PCSK7: variants seen among roughly 807,000 people sequenced by gnomAD.
PCSK7 encodes proprotein convertase subtilisin/kexin type 7.
Under a neutral mutation model 73.3 loss-of-function variants are expected in PCSK7, and 38 were observed. That is an observed-to-expected ratio of 0.52 (90% confidence interval 0.40 to 0.68). PCSK7 has a LOEUF of 0.68. Ranked by LOEUF, PCSK7 falls within the 30% of genes least tolerant of loss-of-function variation. PCSK7 has a pLI of 0.00. For missense variants in PCSK7, 692 were observed against 991.5 expected (o/e 0.70, Z 4.06); for synonymous variants, 296 against 383.8 (o/e 0.77, Z 2.68).
chr11:117,226,113 T>G, intron 5 of PCSK7, 92 bp from the exon 6 acceptor site: 1 of 769,532 alleles, frequency 1.3e-6, no homozygotes, highest in South Asian at 1.4e-5. Flanking sequence ...GAGACTTATT[T>G]TTCCCTACAT....
rs2032317282 is a variant in PCSK7, at chr11:117,224,149, C to G, written c.983G>C (p.Gly328Ala). The G allele has an allele frequency of 6.2e-7, 1 of 1,614,006 alleles. No individual in the cohort carries two copies. The highest frequency in any genetic ancestry group is 8.5e-7 in the Non-Finnish European group (1 of 1,180,000). The change falls in exon 8 of 17, where the codon GGC becomes GCC. Residue 328 changes from glycine (G) to alanine (A), a missense_variant. By Grantham distance (60) the Gly-to-Ala change is moderately conservative. This residue lies in a region of PCSK7 where 574 missense variants were observed against 689.8 expected (regional missense o/e 0.83). Coordinates refer to ENST00000320934, the MANE Select transcript of PCSK7 (RefSeq NM_004716.4). ...GFGSIFVVAS[G>A]NGGQHNDNCN... ...GTTGTCGTTGTGTTGGCCTCCGTTG[C>G]CACTGGCTACCACAAAGATGCTCCC...
chr11:117,221,230 G>T (rs1186923254), intron 9 of PCSK7: 1 of 152,224 alleles, frequency 6.6e-6, no homozygotes, highest in Admixed American at 6.5e-5. Context: ...GCTGCCAAGA[G>T]ATGTAATTTT....
In PCSK7 at chr11:117,228,267, C is replaced by T. The variant is rs1227326036; in HGVS notation, c.552G>A (p.Val184=). The change falls in exon 4 of 17, where the codon GTG becomes GTA. Residue 184 remains valine, a synonymous_variant. Coordinates refer to ENST00000320934, the MANE Select transcript of PCSK7 (RefSeq NM_004716.4). Reference sequence around the variant, plus strand: ...TGTGTTCCACTCCGTCATCCACTACCACCACCGTCACCCCTCGCCCAGTCA... The same window carrying T: ...TGTGTTCCACTCCGTCATCCACTACTACCACCGTCACCCCTCGCCCAGTCA... The part of the protein sequence containing the change: ...RNVTGRGVTV[V]VVDDGVEHTI... 1.9e-6 allele frequency: 3 copies of T among 1,613,612 alleles called. No homozygotes were observed. The African/African-American group carries it at 4.0e-5, about 22-fold the overall frequency.
chr11:117,204,759 TCA>T lies in PCSK7; in HGVS notation c.*1236_*1237del. The T allele has an allele frequency of 7.2e-5, 10 of 138,948 alleles. No homozygotes were observed. The highest frequency in any genetic ancestry group is 4.4e-4 in the South Asian group (3 of 6,754). 8.6% of individuals were successfully genotyped at this position (138,948 alleles called of 1,614,324 possible). The stretch of plus-strand genomic sequence containing the variant: ...CCTGGAATATTTTTGGGGTTGGAAC[TCA>T]AAAAAAAAAAAAAAAAATCAATCTT... On this transcript the variant is annotated 3_prime_UTR_variant, in exon 17 of 17. Coordinates refer to ENST00000320934, the MANE Select transcript of PCSK7 (RefSeq NM_004716.4).
At chr11:117,231,417 C>A (rs138846513) in intron 1 of PCSK7, among the ~76,000 whole-genome samples, 1 of 152,144 alleles carries the variant, frequency 6.6e-6, no homozygotes, top group Non-Finnish European at 1.5e-5. Flanking sequence ...ATTTAGGTGT[C>A]TTCCCCAGTC....
chr11:117,229,410 G>A lies in PCSK7; in HGVS notation c.435C>T (p.Phe145=), dbSNP rs772006070. The change falls in exon 3 of 17, where the codon TTC becomes TTT. Residue 145 remains phenylalanine (F), a synonymous_variant. Transcript: ENST00000320934. Reference sequence around the variant, plus strand: ...ATTGCTGCGGGTACTTGGGGTCGTTGAAGTGGACGCTGCGCTTGGCCCGCC... The same window carrying A: ...ATTGCTGCGGGTACTTGGGGTCGTTAAAGTGGACGCTGCGCTTGGCCCGCC... ...LLRRAKRSVH[F]NDPKYPQQWH... The A allele has an allele frequency of 6.8e-6, 11 of 1,608,434 alleles. No homozygotes were observed. The Admixed American group carries it at 1.7e-4, about 24-fold the overall frequency.
chr11:117,231,908 C>G (rs948366199), intron 1 of PCSK7, 119 bp downstream of exon 1: 1 of 152,758 alleles, frequency 6.5e-6, no homozygotes, highest in East Asian at 1.9e-4. Flanking sequence ...TCCTTGGTCC[C>G]CCACGCCAGG....
At chr11:117,219,526 C>A (rs2032111943) in intron 10 of PCSK7, 65 bp downstream of exon 10, 2 of 1,465,892 alleles carry the variant, frequency 1.4e-6, no homozygotes, top group Non-Finnish European at 1.9e-6. Flanking sequence ...GAATCTAAGG[C>A]CACCTGATAC....
chr11:117,210,563 T>C (rs2031683658), intron 12 of PCSK7: 1 of 152,204 alleles, frequency 6.6e-6, no homozygotes, highest in Admixed American at 6.5e-5. Context: ...TTCACCATGT[T>C]GGCCAGGATG....
intron 12 of PCSK7, chr11:117,216,293 T>C (rs919630827): frequency 2.0e-5 from 3 of 152,192 alleles, no homozygotes; most frequent in Non-Finnish European, 4.4e-5. Context: ...ATCTCAGGGA[T>C]GTTCAGCTCC....
At chr11:117,211,161 G>C (rs1427739089) in intron 12 of PCSK7, 15 of 152,308 alleles carry the variant, frequency 9.8e-5, no homozygotes, top group African/African-American at 3.4e-4. Context: ...CCAGGCTGGA[G>C]TGCAGCGGCT....
In PCSK7 at chr11:117,204,798, G is replaced by T; in HGVS notation, c.*1199C>A. 3.2e-6 allele frequency: 1 copy of T among 311,082 alleles called. No homozygotes were observed. The allele number at this position is 311,082 out of a possible 1,614,324, so 19.3% of individuals were successfully genotyped here. On this transcript the variant is annotated 3_prime_UTR_variant, in exon 17 of 17. Transcript: ENST00000320934. ...AAAAAATCAATCTTTTCTCAGGCCT[G>T]GCTGGCAGAGTTTGATTTGCCCTGG...
chr11:117,213,596 G>A (rs2134296269), intron 12 of PCSK7: 1 of 152,390 alleles, frequency 6.6e-6, no homozygotes, highest in South Asian at 2.1e-4. Flanking sequence ...ATGTGGCAGA[G>A]AAGGGGCTTA....
At position 117,204,506 on chromosome 11, in the gene PCSK7, T is replaced by A. The variant is rs1196561069; in HGVS notation, c.*1491A>T. 8.0e-7 allele frequency: 1 copy of A among 1,244,604 alleles called. No individual in the cohort carries two copies. Among genetic ancestry groups the A allele is most frequent in the Non-Finnish European group, 1.1e-6 (1 of 873,214 alleles). The allele number at this position is 1,244,604 out of a possible 1,614,324, so 77.1% of individuals were successfully genotyped here. A position where few individuals can be genotyped will look rare whatever the true frequency, so the allele number is the denominator to read the frequency against. ...GTCACTGAGCAATGGTAACTGCACCTGGGCAGCTCCTCCCTGTGCCCCCAG... is the reference window on the plus strand; with the variant it reads ...GTCACTGAGCAATGGTAACTGCACCAGGGCAGCTCCTCCCTGTGCCCCCAG... On this transcript the variant is annotated 3_prime_UTR_variant, in exon 17 of 17. Transcript: ENST00000320934.
Position 117,213,692 on chromosome 11 carries a change from A to C in PCSK7, c.1535-4639T>G, listed in dbSNP as rs557466381. 4 of 152,348 alleles carry C rather than the reference A, an allele frequency of 2.6e-5. No individual in the cohort carries two copies. In the East Asian group the frequency reaches 7.7e-4, roughly 29 times the overall value. The allele number at this position is 152,348 out of a possible 1,614,324, so 9.4% of individuals were successfully genotyped here. ...GAGTGCTTGTCTGCGTTCGCAGTGT[A>C]CGCAGTGGCATGCTACATCCATTTA... On this transcript the variant is annotated intron_variant, in intron 12 of 16. Transcript: ENST00000320934.
Position 117,218,364 on chromosome 11 carries a change from C to G in PCSK7, c.1534+102G>C. 1 of 620,350 alleles carries G rather than the reference C, an allele frequency of 1.6e-6. No individual in the cohort carries two copies. The highest frequency in any genetic ancestry group is 2.8e-6 in the Non-Finnish European group (1 of 360,774). 38.4% of individuals were successfully genotyped at this position (620,350 alleles called of 1,614,324 possible). On this transcript the variant is annotated intron_variant, in intron 12 of 16. Transcript: ENST00000320934. This position sits in a 1 kb window ranked among gnomAD's most constrained non-coding sequence, Gnocchi z 4.0. ...CACAGGTTTGGCTGGAGCTCAGCTCCGAAAGGGGGTAGAATCTGGCAGGGA... is the reference window on the plus strand; with the variant it reads ...CACAGGTTTGGCTGGAGCTCAGCTCGGAAAGGGGGTAGAATCTGGCAGGGA...
intron 14 of PCSK7, chr11:117,207,627 A>C: frequency 3.7e-6 from 2 of 539,322 alleles, no homozygotes; most frequent in Non-Finnish European, 3.6e-6. Context: ...AGTTTAAAAA[A>C]AATGGTGAAA....
At chr11:117,226,996 A>G (rs529714679) in intron 5 of PCSK7, 161 bp downstream of exon 5, 1 of 543,074 alleles carries the variant, frequency 1.8e-6, no homozygotes, top group Admixed American at 3.9e-5. Context: ...CAATGAGCTG[A>G]TATGTCCTAC....
At position 117,219,009 on chromosome 11, in the gene PCSK7, C is replaced by A. The variant is rs374440929; in HGVS notation, c.1431+48G>T. ...GCAGTTTGGGGCATTCAGCTCCGACCCTTGGTCACTCCACACAGGGCACCC... is the reference window on the plus strand; with the variant it reads ...GCAGTTTGGGGCATTCAGCTCCGACACTTGGTCACTCCACACAGGGCACCC... On this transcript the variant is annotated intron_variant, in intron 11 of 16. Transcript: ENST00000320934. The A allele has an allele frequency of 1.3e-3, 1,758 of 1,328,900 alleles. 25 individuals carry two copies. In the South Asian group the frequency reaches 0.02, roughly 15 times the overall value. The allele number at this position is 1,328,900 out of a possible 1,614,324, so 82.3% of individuals were successfully genotyped here.
Sources: gnomAD v4.1 joint callset for allele counts (sites outside exome capture counted in the v4.1 genomes callset) on GRCh38, gnomAD v4.1.1 for gene constraint, gnomAD v4.1.1 regional missense constraint, Gnocchi (gnomAD v3.1) non-coding constraint, MANE v1.5 for transcripts, NCBI Gene and HGNC (gene_info 2026-07-23, HGNC 2026-07-21) for gene names.